DPY19L1: variants seen among roughly 807,000 people sequenced by gnomAD.
The protein encoded by DPY19L1 is protein C-mannosyl-transferase DPY19L1.
Under a neutral mutation model 96.9 loss-of-function variants are expected in DPY19L1, and 35 were observed. The observed-to-expected ratio is 0.36, with a 90% confidence interval of 0.28 to 0.48. The LOEUF is 0.48. DPY19L1 is among the 20% of genes least tolerant of loss of function. DPY19L1 has a pLI of 0.99. For synonymous variants in DPY19L1, 205 were observed against 252.6 expected (o/e 0.81, Z 1.79); for missense variants, 521 against 777.9 (o/e 0.67, Z 3.93).
chr7:35,009,225 A>C (rs949566224), intron 6 of DPY19L1, among the ~76,000 whole-genome samples: 3 of 152,200 alleles, frequency 2.0e-5, no homozygotes, highest in Non-Finnish European at 4.4e-5. Context: ...GAGGTACTAA[A>C]CTGAAAATGC....
chr7:34,943,015 T>C lies in DPY19L1; in HGVS notation c.1545-376A>G, dbSNP rs1456157142. On this transcript the variant is annotated intron_variant, in intron 16 of 21. Coordinates refer to ENST00000638088, the MANE Select transcript of DPY19L1 (RefSeq NM_001366673.1). ...ACAAATACGTGGTTATATGTGTAAATCTGAGTTCAAGGGAGAAGTCTGGGT... is the reference window on the plus strand; with the variant it reads ...ACAAATACGTGGTTATATGTGTAAACCTGAGTTCAAGGGAGAAGTCTGGGT... 2.6e-5 allele frequency among the ~76,000 whole-genome samples: 4 copies of C among 152,272 alleles called. No individual in the cohort carries two copies. The South Asian group carries it at 8.3e-4, about 32-fold the overall frequency.
chr7:34,981,086 T>A (rs1244889272), intron 7 of DPY19L1, among the ~76,000 whole-genome samples: 3 of 152,174 alleles, frequency 2.0e-5, no homozygotes, highest in Admixed American at 6.5e-5. Flanking sequence ...ATTGATCTAG[T>A]TCCTGGATAC....
At chr7:35,027,009 A>C (rs1203842613) in intron 1 of DPY19L1, among the ~76,000 whole-genome samples, 1 of 152,006 alleles carries the variant, frequency 6.6e-6, no homozygotes, top group Non-Finnish European at 1.5e-5. Flanking sequence ...AGCCTGGCCA[A>C]CATGATGAAA....
chr7:35,008,584 T>C (rs1489937139), intron 6 of DPY19L1, among the ~76,000 whole-genome samples: 1 of 152,226 alleles, frequency 6.6e-6, no homozygotes, highest in Admixed American at 6.6e-5. Flanking sequence ...TTCCAGCTAC[T>C]TGGGAGGCTG....
chr7:35,033,756 G>C (rs115006982), intron 1 of DPY19L1, among the ~76,000 whole-genome samples: 2 of 152,014 alleles, frequency 1.3e-5, no homozygotes, highest in African/African-American at 2.4e-5. Flanking sequence ...CTAAGAAGTC[G>C]CAAGTGTTTC....
intron 1 of DPY19L1, among the ~76,000 whole-genome samples, chr7:35,024,089 G>A (rs1334041773): frequency 6.6e-6 from 1 of 152,026 alleles, no homozygotes; most frequent in Non-Finnish European, 1.5e-5. Context: ...CCCCGCCTCA[G>A]CCTCCCAAAG....
chr7:34,937,543 A>G (rs2021791), intron 21 of DPY19L1, among the ~76,000 whole-genome samples: 28,289 of 152,218 alleles, frequency 0.19, 2,990 homozygotes, highest in Admixed American at 0.34. Context: ...TAGTGCCAAT[A>G]AAATCTCTTT....
intron 4 of DPY19L1, 86 bp downstream of exon 4, chr7:35,013,482 G>A (rs1785764937): frequency 2.9e-6 from 3 of 1,027,556 alleles, no homozygotes; most frequent in Middle Eastern, 3.2e-4. Flanking sequence ...TTAATATATT[G>A]AATTATATCT....
At chr7:34,948,298 T>G (rs760239375) in intron 14 of DPY19L1, among the ~76,000 whole-genome samples, 2 of 152,178 alleles carry the variant, frequency 1.3e-5, no homozygotes, top group Non-Finnish European at 2.9e-5. Flanking sequence ...CTTTTATGTG[T>G]GTTAATTATG....
At chr7:34,935,116 T>C (rs1243807240) in intron 21 of DPY19L1, among the ~76,000 whole-genome samples, 2 of 152,164 alleles carry the variant, frequency 1.3e-5, no homozygotes, top group Non-Finnish European at 2.9e-5. Flanking sequence ...ACCTTGTAAT[T>C]TTCTCATACA....
chr7:34,984,575 G>A (rs1305858335), intron 7 of DPY19L1, among the ~76,000 whole-genome samples: 1 of 152,188 alleles, frequency 6.6e-6, no homozygotes, highest in African/African-American at 2.4e-5. Flanking sequence ...CAGATATGCT[G>A]CTAAGATTAA....
chr7:34,940,633 T>TA (rs1783987297), intron 18 of DPY19L1: 2 of 191,262 alleles, frequency 1.0e-5, no homozygotes, highest in East Asian at 2.7e-4. Context: ...GGTCTCTTGT[T>TA]AAAAAATTAA....
intron 6 of DPY19L1, among the ~76,000 whole-genome samples, chr7:34,995,128 C>T (rs1225281501): frequency 6.6e-6 from 1 of 152,144 alleles, no homozygotes; most frequent in African/African-American, 2.4e-5. Flanking sequence ...GTTAGAAACA[C>T]TGTGAAATGA....
At chr7:34,948,808 A>G (rs1413906676) in intron 14 of DPY19L1, among the ~76,000 whole-genome samples, 1 of 152,248 alleles carries the variant, frequency 6.6e-6, no homozygotes, top group Non-Finnish European at 1.5e-5. Flanking sequence ...TTTGTCAGCC[A>G]CTGTGTGTCA....
At chr7:34,964,368 A>C (rs892269303) in intron 10 of DPY19L1, among the ~76,000 whole-genome samples, 4 of 152,184 alleles carry the variant, frequency 2.6e-5, no homozygotes, top group African/African-American at 7.2e-5. Flanking sequence ...CTGAAGGCTT[A>C]ACATTTAATC....
intron 6 of DPY19L1, among the ~76,000 whole-genome samples, chr7:35,008,100 G>C (rs1478162122): frequency 6.6e-6 from 1 of 151,400 alleles, no homozygotes; most frequent in Non-Finnish European, 1.5e-5. Flanking sequence ...TATCTTCATG[G>C]TTTATTTCCA....
intron 10 of DPY19L1, among the ~76,000 whole-genome samples, 196 bp downstream of exon 10, chr7:34,966,698 A>T (rs1784616619): frequency 6.6e-6 from 1 of 152,236 alleles, no homozygotes; most frequent in East Asian, 1.9e-4. Flanking sequence ...CACAACTTCA[A>T]TCAGATAATA....
At chr7:35,002,335 T>C (rs1785447423) in intron 6 of DPY19L1, among the ~76,000 whole-genome samples, 2 of 151,186 alleles carry the variant, frequency 1.3e-5, no homozygotes, top group Admixed American at 6.6e-5. Context: ...ATTAAAAGCA[T>C]GATAATGAAA....
intron 21 of DPY19L1, among the ~76,000 whole-genome samples, chr7:34,933,492 T>C (rs1358427310): frequency 6.8e-6 from 1 of 147,922 alleles, no homozygotes; most frequent in Non-Finnish European, 1.5e-5. Context: ...CTTGATTGGA[T>C]TGAAGGATCA....
Sources: allele counts gnomAD v4.1 joint callset (sites outside exome capture counted in the v4.1 genomes callset), GRCh38; gene constraint gnomAD v4.1.1; transcripts MANE v1.5; gene names NCBI Gene and HGNC (gene_info 2026-07-23, HGNC 2026-07-21).